Variants in HDAC9 observed in about 807,000 individuals in gnomAD.
The protein encoded by HDAC9 is MEF-2 interacting transcription repressor (MITR) protein.
HDAC9 carries 41 observed loss-of-function variants against 139.4 expected under a neutral mutation model. That is an observed-to-expected ratio of 0.29 (90% CI 0.23 to 0.38). The LOEUF (loss-of-function observed/expected upper bound fraction) is 0.38, where lower values mean the gene tolerates loss of function less well. Among genes scored for constraint, HDAC9 ranks in the 10% least tolerant of loss-of-function variants. HDAC9 has a pLI of 1.00. For synonymous variants in HDAC9, 517 were observed against 476.2 expected (o/e 1.09, Z -1.12); for missense variants, 1,147 against 1,297.0 (o/e 0.88, Z 1.78).
At chr7:18,932,579 G>T (rs1804840343) in intron 22 of HDAC9, among the ~76,000 whole-genome samples, 1 of 152,066 alleles carries the variant, frequency 6.6e-6, no homozygotes, top group Non-Finnish European at 1.5e-5. Flanking sequence ...GCAAAAGAGG[G>T]TCAGAGGCTT....
At chr7:18,812,816 A>T (rs1040905339) in intron 17 of HDAC9, among the ~76,000 whole-genome samples, 1 of 152,030 alleles carries the variant, frequency 6.6e-6, no homozygotes, top group Non-Finnish European at 1.5e-5. Flanking sequence ...CCCACTGGAC[A>T]TTGAGGACTC....
At chr7:18,509,428 G>T (rs763561451) in intron 2 of HDAC9, 8 of 985,444 alleles carry the variant, frequency 8.1e-6, no homozygotes, top group Non-Finnish European at 7.2e-6. Flanking sequence ...TGGATTCACA[G>T]TGTAGCTTGA....
At chr7:18,231,696 T>C (rs1274456981) in intron 2 of HDAC9, among the ~76,000 whole-genome samples, 7 of 152,070 alleles carry the variant, frequency 4.6e-5, no homozygotes, top group Non-Finnish European at 1.0e-4. Context: ...TATGTGGGAG[T>C]TGGGAGCTAG....
Position 18,590,395 on chromosome 7 carries a change from A to G in HDAC9, c.324A>G (p.Lys108=). Residue 108 remains lysine, a synonymous_variant, in exon 4 of 26, where the codon AAA becomes AAG. Coordinates refer to ENST00000686413, the MANE Select transcript of HDAC9 (RefSeq NM_178425.4). ...QQQELLEKEQ[K]LEQQRQEQEV... ...AAGAACTCCTAGAAAAGGAGCAGAA[A>G]CTGGAGCAGCAGAGGCAAGAACAGG... The G allele has an allele frequency of 1.2e-6, 2 of 1,611,250 alleles. No individual in the cohort carries two copies. The highest frequency in any genetic ancestry group is 1.7e-6 in the Non-Finnish European group (2 of 1,178,642).
intron 2 of HDAC9, among the ~76,000 whole-genome samples, chr7:18,554,624 C>T (rs777726617): frequency 4.6e-5 from 7 of 152,184 alleles, no homozygotes; most frequent in Non-Finnish European, 8.8e-5. Context: ...CGTGAGCCAC[C>T]GCGCCCAGCC....
At chr7:18,680,082 A>C (rs1266048562) in intron 12 of HDAC9, among the ~76,000 whole-genome samples, 11 of 151,968 alleles carry the variant, frequency 7.2e-5, no homozygotes, top group Non-Finnish European at 1.6e-4. Flanking sequence ...TGACTGATAA[A>C]AATGAATGGG....
chr7:18,690,029 A>T (rs1197066015), intron 12 of HDAC9, among the ~76,000 whole-genome samples: 1 of 152,000 alleles, frequency 6.6e-6, no homozygotes, highest in Non-Finnish European at 1.5e-5. Context: ...TGGCCTAAGC[A>T]TCCTTGGGAA....
chr7:18,275,798 A>G (rs1176593913), intron 2 of HDAC9, among the ~76,000 whole-genome samples: 2 of 152,202 alleles, frequency 1.3e-5, no homozygotes, highest in African/African-American at 2.4e-5. Flanking sequence ...TTAAGATTGT[A>G]ACACTCTCAT....
intron 2 of HDAC9, among the ~76,000 whole-genome samples, chr7:18,270,681 G>A (rs1266164655): frequency 6.6e-6 from 1 of 152,098 alleles, no homozygotes; most frequent in Non-Finnish European, 1.5e-5. Flanking sequence ...AGAGTAGGAG[G>A]AAAAATGCTA....
intron 1 of HDAC9, among the ~76,000 whole-genome samples, chr7:18,443,083 T>C (rs1791938838): frequency 6.6e-6 from 1 of 152,202 alleles, no homozygotes; most frequent in Non-Finnish European, 1.5e-5. Flanking sequence ...GTCTCTGCCC[T>C]GATACAAATC....
chr7:18,786,231 A>G (rs1226000312), intron 16 of HDAC9, among the ~76,000 whole-genome samples: 2 of 152,108 alleles, frequency 1.3e-5, no homozygotes, highest in Non-Finnish European at 2.9e-5. Flanking sequence ...AGATTGCAAC[A>G]TGTTATTCTT....
At chr7:18,147,245 C>A (rs765402304) in intron 1 of HDAC9, among the ~76,000 whole-genome samples, 14 of 152,042 alleles carry the variant, frequency 9.2e-5, no homozygotes, top group African/African-American at 3.1e-4. Flanking sequence ...GCAGAAGAAA[C>A]CCTCCCAATG....
At chr7:18,904,581 T>C (rs902501913) in intron 22 of HDAC9, among the ~76,000 whole-genome samples, 2 of 140,714 alleles carry the variant, frequency 1.4e-5, no homozygotes, top group Admixed American at 7.0e-5. Flanking sequence ...TCTTTTTTTT[T>C]TTTTTTTTTT....
chr7:18,916,084 C>G (rs1585302730), intron 22 of HDAC9, among the ~76,000 whole-genome samples: 3 of 151,184 alleles, frequency 2.0e-5, no homozygotes, highest in African/African-American at 7.3e-5. Context: ...ACCCAAACAC[C>G]TGCATTTGGC....
rs1392500737 is a variant in HDAC9, at chr7:18,661,071, T to C, written c.1468-5142T>C. On this transcript the variant is annotated intron_variant, in intron 11 of 25. Coordinates refer to ENST00000686413, the MANE Select transcript of HDAC9 (RefSeq NM_178425.4). ...ATCAAGGAGCCCAGAGTAGGGCCTT[T>C]GGGTAGTTTAGGGTGAAAATGATAG... Among the ~76,000 whole-genome samples, 4 of 152,238 alleles carry C rather than the reference T, an allele frequency of 2.6e-5. No individual in the cohort carries two copies. In the East Asian group the frequency reaches 7.7e-4, roughly 29 times the overall value.
intron 1 of HDAC9, among the ~76,000 whole-genome samples, chr7:18,430,260 A>G (rs761517870): frequency 6.6e-6 from 1 of 152,114 alleles, no homozygotes; most frequent in African/African-American, 2.4e-5. Context: ...GTCTTGCTCT[A>G]TTGCCCAGGC....
At chr7:18,178,037 C>G (rs1789073153) in intron 2 of HDAC9, among the ~76,000 whole-genome samples, 1 of 151,928 alleles carries the variant, frequency 6.6e-6, no homozygotes, top group African/African-American at 2.4e-5. Context: ...TGAACTTCCT[C>G]CATCCCCCTA....
chr7:18,786,615 T>TCCC (rs1791797258), intron 16 of HDAC9, among the ~76,000 whole-genome samples: 3 of 32,596 alleles, frequency 9.2e-5, no homozygotes, highest in Non-Finnish European at 2.5e-4. Flanking sequence ...CCTTCCTTCC[T>TCCC]TCCCTCCCTC....
In HDAC9 at chr7:18,239,958, T is replaced by G. The variant is rs558704614; in HGVS notation, c.25+77609T>G. Reference sequence around the variant, plus strand: ...TCCTGTGATAGGTGCTGCATGTTTTTTTTTTTTTTTTTCTGGATAATTTGT... The same window carrying G: ...TCCTGTGATAGGTGCTGCATGTTTTGTTTTTTTTTTTTCTGGATAATTTGT... On this transcript the variant is annotated intron_variant, in intron 2 of 12. Transcript: ENST00000417496. 7.9e-5 allele frequency among the ~76,000 whole-genome samples: 12 copies of G among 151,380 alleles called. No homozygotes were observed. The South Asian group carries it at 1.2e-3, about 16-fold the overall frequency.
Sources: gnomAD v4.1 joint callset for allele counts (sites outside exome capture counted in the v4.1 genomes callset) on GRCh38, gnomAD v4.1.1 for gene constraint, MANE v1.5 for transcripts, NCBI Gene and HGNC (gene_info 2026-07-23, HGNC 2026-07-21) for gene names.